Variants in NCAM1 observed in about 807,000 individuals in gnomAD.
NCAM1 encodes the protein neural cell adhesion molecule 1.
In NCAM1, 14 loss-of-function variants were observed where a neutral mutation model predicts 109.8. That is an observed-to-expected ratio of 0.13 (90% CI 0.08 to 0.20). NCAM1 has a LOEUF of 0.20. NCAM1 is among the 10% of genes least tolerant of loss of function. The probability of loss-of-function intolerance (pLI) is 1.00; values close to 1 mark genes in which losing one functional copy is unlikely to be tolerated. For missense variants in NCAM1, 774 were observed against 1,109.9 expected, an observed-to-expected ratio of 0.70 and a Z score of 4.30; for synonymous variants, 418 against 442.9, an observed-to-expected ratio of 0.94 and a Z score of 0.70.
At chr11:113,111,500 G>A (rs1158433874) in intron 1 of NCAM1, among the ~76,000 whole-genome samples, 1 of 151,014 alleles carries the variant, frequency 6.6e-6, no homozygotes, top group African/African-American at 2.4e-5. Flanking sequence ...AGCAGCGTCA[G>A]GACCTGGGGT....
chr11:113,161,736 C>A (rs1400762292), intron 1 of NCAM1, among the ~76,000 whole-genome samples: 2 of 152,150 alleles, frequency 1.3e-5, no homozygotes, highest in African/African-American at 4.8e-5. Flanking sequence ...GCTTCCCGCC[C>A]ACCCCCTTTG....
At chr11:112,974,556 G>T (rs550812190) in intron 1 of NCAM1, among the ~76,000 whole-genome samples, 3 of 151,950 alleles carry the variant, frequency 2.0e-5, no homozygotes, top group African/African-American at 7.2e-5. Flanking sequence ...CAGCAGGCAC[G>T]GTATAAGTCC....
At chr11:113,214,652 C>G (rs1479060301) in intron 8 of NCAM1, 141 bp downstream of exon 8, 5 of 883,840 alleles carry the variant, frequency 5.7e-6, no homozygotes, top group Non-Finnish European at 6.8e-6. Context: ...GGGCCTCCCT[C>G]CCCAACCCTG....
chr11:113,126,753 A>G (rs957058424), intron 1 of NCAM1, among the ~76,000 whole-genome samples: 6 of 152,220 alleles, frequency 3.9e-5, no homozygotes, highest in African/African-American at 1.4e-4. Flanking sequence ...CCCAACGCCC[A>G]CTGCAAACAC....
intron 1 of NCAM1, among the ~76,000 whole-genome samples, chr11:113,076,255 T>C (rs1938521847): frequency 6.6e-6 from 1 of 152,198 alleles, no homozygotes; most frequent in Non-Finnish European, 1.5e-5. Flanking sequence ...CTACTTTCTG[T>C]GATCCAGGAA....
chr11:113,130,096 C>A (rs951910340), intron 1 of NCAM1, among the ~76,000 whole-genome samples: 1 of 152,156 alleles, frequency 6.6e-6, no homozygotes, highest in Admixed American at 6.5e-5. Context: ...AGGCTTTGCC[C>A]ACTACATCTT....
intron 1 of NCAM1, among the ~76,000 whole-genome samples, chr11:113,061,005 C>T (rs553026646): frequency 6.6e-6 from 1 of 152,268 alleles, no homozygotes; most frequent in South Asian, 2.1e-4. Context: ...TGCTCTGTAA[C>T]GAATCTCCAG....
chr11:113,195,455 C>CCA (rs10642528), intron 1 of NCAM1, among the ~76,000 whole-genome samples: 69,837 of 141,274 alleles, frequency 0.49, 17,361 homozygotes, highest in African/African-American at 0.59. Flanking sequence ...TAAATACACA[C>CCA]CACACACACA....
rs569615106 is a variant in NCAM1, at chr11:113,111,093, T to C, written c.53-91286T>C. 1.1e-3 allele frequency among the ~76,000 whole-genome samples: 167 copies of C among 152,306 alleles called. 1 individual carries two copies. Among genetic ancestry groups the C allele is most frequent in the South Asian group, 8.9e-3 (43 of 4,824 alleles). On this transcript the variant is annotated intron_variant, in intron 1 of 19. Coordinates refer to ENST00000316851, the MANE Select transcript of NCAM1 (RefSeq NM_181351.5). ...AGTGTCACACAACTCATAGCACAGC[T>C]GGGAGGTTTGCCTTGCTGTAGCTGA...
chr11:113,163,761 T>C (rs1328678966), intron 1 of NCAM1, among the ~76,000 whole-genome samples: 1 of 152,086 alleles, frequency 6.6e-6, no homozygotes, highest in African/African-American at 2.4e-5. Context: ...AAGAAGAAAG[T>C]GTCAGGGTTC....
At chr11:113,185,672 G>C (rs1419528772) in intron 1 of NCAM1, among the ~76,000 whole-genome samples, 1 of 152,220 alleles carries the variant, frequency 6.6e-6, no homozygotes, top group African/African-American at 2.4e-5. Flanking sequence ...CAAGTAGGCA[G>C]AACAACATTA....
chr11:113,165,196 A>G (rs1458992659), intron 1 of NCAM1, among the ~76,000 whole-genome samples: 13 of 152,192 alleles, frequency 8.5e-5, no homozygotes, highest in African/African-American at 3.1e-4. Flanking sequence ...TCCATTATTC[A>G]GGACCCTCCA....
At chr11:113,256,946 T>G (rs1488432520) in intron 16 of NCAM1, among the ~76,000 whole-genome samples, 1 of 152,234 alleles carries the variant, frequency 6.6e-6, no homozygotes, top group African/African-American at 2.4e-5. Flanking sequence ...AGTTACTTCC[T>G]CTCTGCCTTG....
At position 112,987,896 on chromosome 11, in the gene NCAM1, A is replaced by T. The variant is rs553726945; in HGVS notation, c.52+26232A>T. Reference sequence around the variant, plus strand: ...GGAGACTCTAATGTATTTGCATTCAAGGTAATTATTAATAGGTAAGGAATT... The same window carrying T: ...GGAGACTCTAATGTATTTGCATTCATGGTAATTATTAATAGGTAAGGAATT... On this transcript the variant is annotated intron_variant, in intron 1 of 19. Transcript: ENST00000316851. Among the ~76,000 whole-genome samples, 12 of 152,250 alleles carry T rather than the reference A, an allele frequency of 7.9e-5. 1 individual carries two copies. The highest frequency in any genetic ancestry group is 2.6e-4 in the African/African-American group (11 of 41,560).
At chr11:113,034,656 A>G (rs1255920041) in intron 1 of NCAM1, among the ~76,000 whole-genome samples, 1 of 152,230 alleles carries the variant, frequency 6.6e-6, no homozygotes, top group African/African-American at 2.4e-5. Context: ...CTCATGGTGT[A>G]GGATCGTACA....
intron 1 of NCAM1, among the ~76,000 whole-genome samples, chr11:113,138,525 T>C (rs1332381332): frequency 6.6e-6 from 1 of 152,220 alleles, no homozygotes; most frequent in Non-Finnish European, 1.5e-5. Context: ...GGGTATTTTT[T>C]ATATCATGTG....
chr11:113,172,558 T>C (rs1404538642), intron 1 of NCAM1, among the ~76,000 whole-genome samples: 1 of 152,250 alleles, frequency 6.6e-6, no homozygotes, highest in African/African-American at 2.4e-5. Context: ...TATTGTTCAT[T>C]CACAGATTTT....
chr11:113,135,713 C>G (rs925773464), intron 1 of NCAM1, among the ~76,000 whole-genome samples: 1 of 152,202 alleles, frequency 6.6e-6, no homozygotes, highest in Non-Finnish European at 1.5e-5. Flanking sequence ...CCAGAGCCAC[C>G]TGCAATGCCA....
chr11:113,187,212 T>A (rs1220707762), intron 1 of NCAM1, among the ~76,000 whole-genome samples: 2 of 152,234 alleles, frequency 1.3e-5, no homozygotes, highest in African/African-American at 2.4e-5. Context: ...AGACCCGACC[T>A]TCTTGACTTC....
Sources: gnomAD v4.1 joint callset for allele counts (sites outside exome capture counted in the v4.1 genomes callset) on GRCh38, gnomAD v4.1.1 for gene constraint, MANE v1.5 for transcripts, NCBI Gene and HGNC (gene_info 2026-07-23, HGNC 2026-07-21) for gene names.